CA10: variants seen among roughly 807,000 people sequenced by gnomAD.
The protein encoded by CA10 is carbonic anhydrase 10 (inactive).
In CA10, 14 loss-of-function variants were observed where a neutral mutation model predicts 44.2. That is an observed-to-expected ratio of 0.32 (90% CI 0.21 to 0.50). The LOEUF (loss-of-function observed/expected upper bound fraction) is 0.50, where lower values mean the gene tolerates loss of function less well. CA10 is among the 20% of genes least tolerant of loss of function. The pLI is 0.99. For missense variants in CA10, 350 were observed against 409.7 expected (o/e 0.85, Z 1.26); for synonymous variants, 159 against 141.6 (o/e 1.12, Z -0.87).
intron 4 of CA10, among the ~76,000 whole-genome samples, chr17:51,717,829 G>GTGTT (rs1337266806): frequency 0.029 from 227 of 7,920 alleles, 47 homozygotes; most frequent in African/African-American, 0.075. Context: ...ATATGTGTGT[G>GTGTT]TATATATATA....
chr17:51,968,166 T>C (rs956139211), intron 2 of CA10, among the ~76,000 whole-genome samples: 2 of 151,878 alleles, frequency 1.3e-5, no homozygotes, highest in African/African-American at 4.8e-5. Context: ...GTTATAAAGT[T>C]AAACATACAT....
At chr17:52,114,482 T>C (rs967019963) in intron 1 of CA10, among the ~76,000 whole-genome samples, 1 of 152,202 alleles carries the variant, frequency 6.6e-6, no homozygotes, top group African/African-American at 2.4e-5. Flanking sequence ...CTCATACAGT[T>C]GTCATTAGGG....
At chr17:51,654,123 AGCCAGTAAATCTTCCT>A (rs1913686558) in intron 4 of CA10, among the ~76,000 whole-genome samples, 1 of 152,206 alleles carries the variant, frequency 6.6e-6, no homozygotes, top group East Asian at 1.9e-4. Context: ...TGCCACTGGC[AGCCAGTAAATCTTCCT>A]TGCAGCCTCG....
intron 2 of CA10, among the ~76,000 whole-genome samples, chr17:52,048,551 T>G (rs2907779): frequency 6.6e-6 from 1 of 151,980 alleles, no homozygotes; most frequent in South Asian, 2.1e-4. Context: ...TTGATCATTT[T>G]CAGCTGAAAC....
intron 3 of CA10, among the ~76,000 whole-genome samples, chr17:51,781,981 G>C (rs1471818528): frequency 2.0e-5 from 3 of 152,138 alleles, no homozygotes; most frequent in Non-Finnish European, 4.4e-5. Context: ...GGCAGGACTG[G>C]GATTTGACTT....
intron 3 of CA10, among the ~76,000 whole-genome samples, chr17:51,821,419 C>T (rs1313948847): frequency 6.6e-6 from 1 of 151,930 alleles, no homozygotes; most frequent in African/African-American, 2.4e-5. Flanking sequence ...GTCCATCTAT[C>T]TGCAAATCAT....
intron 3 of CA10, among the ~76,000 whole-genome samples, chr17:51,789,843 C>A (rs1025335587): frequency 1.3e-5 from 2 of 152,218 alleles, no homozygotes; most frequent in African/African-American, 2.4e-5. Context: ...TGAAACCCAG[C>A]AAATGACTCT....
At chr17:52,006,358 CAAT>C (rs936529129) in intron 2 of CA10, among the ~76,000 whole-genome samples, 24 of 151,888 alleles carry the variant, frequency 1.6e-4, no homozygotes, top group African/African-American at 5.1e-4. Context: ...TAAAATATCA[CAAT>C]AAAAATTTCA....
At chr17:51,992,804 G>A (rs1211827107) in intron 2 of CA10, among the ~76,000 whole-genome samples, 1 of 152,080 alleles carries the variant, frequency 6.6e-6, no homozygotes, top group Non-Finnish European at 1.5e-5. Context: ...ATGGATAGAT[G>A]AGCACTCAGT....
At chr17:51,679,964 T>G (rs1339064066) in intron 4 of CA10, among the ~76,000 whole-genome samples, 3 of 152,240 alleles carry the variant, frequency 2.0e-5, no homozygotes, top group African/African-American at 7.2e-5. Context: ...AAACAATGTT[T>G]CATTGGAACA....
At chr17:51,825,836 C>A (rs78800753) in intron 3 of CA10, among the ~76,000 whole-genome samples, 1 of 152,186 alleles carries the variant, frequency 6.6e-6, no homozygotes, top group African/African-American at 2.4e-5. Flanking sequence ...GCAGTATAGA[C>A]GGTGGCTCGG....
Position 51,865,742 on chromosome 17 carries a change from A to G in CA10, c.279+65248T>C, listed in dbSNP as rs969278991. On this transcript the variant is annotated intron_variant, in intron 3 of 8. Coordinates refer to ENST00000451037, the MANE Select transcript of CA10 (RefSeq NM_020178.5). ...CATCAGTGCTAGAGCTAAGCTTTAAATCCATGCCTGAGAGATGCCATGGTT... is the reference window on the plus strand; with the variant it reads ...CATCAGTGCTAGAGCTAAGCTTTAAGTCCATGCCTGAGAGATGCCATGGTT... Among the ~76,000 whole-genome samples, 7 of 152,220 alleles carry G rather than the reference A, an allele frequency of 4.6e-5. No individual in the cohort carries two copies. In the South Asian group the frequency reaches 1.5e-3, roughly 32 times the overall value.
intron 2 of CA10, among the ~76,000 whole-genome samples, chr17:51,987,854 A>C (rs1984898922): frequency 8.6e-6 from 1 of 115,958 alleles, no homozygotes; most frequent in African/African-American, 3.1e-5. Context: ...CTTGCCATGC[A>C]AAAAATGTGA....
chr17:51,782,136 A>G (rs1906087666), intron 3 of CA10, among the ~76,000 whole-genome samples: 1 of 152,246 alleles, frequency 6.6e-6, no homozygotes, highest in African/African-American at 2.4e-5. Flanking sequence ...GCAGACATTT[A>G]TTAAATACTC....
intron 3 of CA10, among the ~76,000 whole-genome samples, chr17:51,764,878 C>T (rs1394371737): frequency 6.6e-6 from 1 of 152,186 alleles, no homozygotes; most frequent in African/African-American, 2.4e-5. Flanking sequence ...CTTAACATCC[C>T]CATTCTCATT....
chr17:51,840,381 A>G (rs59354231), intron 3 of CA10, among the ~76,000 whole-genome samples: 1,748 of 152,254 alleles, frequency 0.011, 32 homozygotes, highest in African/African-American at 0.038. Context: ...AAAAAGGCAG[A>G]ATGCAGTACT....
At chr17:51,882,029 C>A (rs1161363726) in intron 3 of CA10, among the ~76,000 whole-genome samples, 1 of 149,640 alleles carries the variant, frequency 6.7e-6, no homozygotes, top group Non-Finnish European at 1.5e-5. Context: ...CATCAATAGC[C>A]CACAGTTGAA....
intron 3 of CA10, among the ~76,000 whole-genome samples, chr17:51,922,788 C>A (rs1440418597): frequency 6.6e-6 from 1 of 152,126 alleles, no homozygotes; most frequent in Non-Finnish European, 1.5e-5. Context: ...TTGAAGTTTT[C>A]ATATCCATGT....
At chr17:52,055,380 A>G (rs1987199799) in intron 2 of CA10, among the ~76,000 whole-genome samples, 1 of 151,656 alleles carries the variant, frequency 6.6e-6, no homozygotes, top group African/African-American at 2.4e-5. Context: ...AAACTTAAAT[A>G]TGGAGTTTCC....
Sources: allele counts gnomAD v4.1 joint callset (sites outside exome capture counted in the v4.1 genomes callset), GRCh38; gene constraint gnomAD v4.1.1; transcripts MANE v1.5; gene names NCBI Gene and HGNC (gene_info 2026-07-23, HGNC 2026-07-21).